The following CSMD3 variants were observed in gnomAD, a reference collection of about 807,000 sequenced individuals.
The protein encoded by CSMD3 is CUB and sushi domain-containing protein 3.
CSMD3 carries 177 observed loss-of-function variants against 435.2 expected under a neutral mutation model. That is an observed-to-expected ratio of 0.41 (90% CI 0.36 to 0.46). The LOEUF is 0.46. Ranked by LOEUF, CSMD3 falls within the 20% of genes least tolerant of loss-of-function variation. The pLI is 0.34. For synonymous variants in CSMD3, 1,656 were observed against 1,520.5 expected (o/e 1.09, Z -2.07); for missense variants, 4,265 against 4,504.6 (o/e 0.95, Z 1.52).
chr8:113,325,788 C>T (rs1588520300), intron 1 of CSMD3, among the ~76,000 whole-genome samples: 1 of 152,258 alleles, frequency 6.6e-6, no homozygotes, highest in Admixed American at 6.5e-5. Flanking sequence ...CAGAAAGTTT[C>T]CTAAGTGAAT....
chr8:112,850,074 A>G (rs2129706061), intron 11 of CSMD3, among the ~76,000 whole-genome samples: 1 of 152,256 alleles, frequency 6.6e-6, no homozygotes, highest in South Asian at 2.1e-4. Flanking sequence ...TTGCATGCAA[A>G]GGCTTTAGAA....
At chr8:112,419,434 T>TA (rs1283086122) in intron 32 of CSMD3, among the ~76,000 whole-genome samples, 20 of 152,204 alleles carry the variant, frequency 1.3e-4, no homozygotes, top group Non-Finnish European at 2.5e-4. Context: ...AATATGTTAT[T>TA]AAAAAATTCA....
intron 5 of CSMD3, among the ~76,000 whole-genome samples, chr8:113,058,985 A>G (rs2088479125): frequency 6.6e-6 from 1 of 152,126 alleles, no homozygotes. Context: ...TAGCATGGCA[A>G]AAGGTAAGTG....
intron 52 of CSMD3, 121 bp from the exon 53 acceptor site, chr8:112,302,087 A>G (rs1169154308): frequency 1.4e-6 from 1 of 727,378 alleles, no homozygotes; most frequent in Non-Finnish European, 2.4e-6. Context: ...GGAAATTGGC[A>G]TTTGTAAAAC....
chr8:112,325,369 A>C (rs1193928470), intron 45 of CSMD3, among the ~76,000 whole-genome samples: 3 of 152,132 alleles, frequency 2.0e-5, no homozygotes, highest in African/African-American at 7.2e-5. Context: ...CATGACCAAA[A>C]CAGAGATGTC....
intron 13 of CSMD3, among the ~76,000 whole-genome samples, chr8:112,742,195 G>A (rs1039216023): frequency 1.3e-5 from 2 of 151,890 alleles, no homozygotes; most frequent in African/African-American, 4.8e-5. Context: ...TGGACTGCTA[G>A]TAATTTTTAT....
intron 1 of CSMD3, among the ~76,000 whole-genome samples, chr8:113,394,131 C>CA (rs2094472853): frequency 6.8e-6 from 1 of 146,624 alleles, no homozygotes; most frequent in Non-Finnish European, 1.5e-5. Flanking sequence ...TAACTGGGTA[C>CA]TAAAAAAACT....
intron 6 of CSMD3, among the ~76,000 whole-genome samples, chr8:112,980,900 T>C (rs2085027270): frequency 6.6e-6 from 1 of 151,490 alleles, no homozygotes; most frequent in Admixed American, 6.6e-5. Context: ...ACTATGAATA[T>C]GCAATTTAGA....
intron 19 of CSMD3, among the ~76,000 whole-genome samples, chr8:112,649,308 G>A (rs2075061942): frequency 6.6e-6 from 1 of 152,094 alleles, no homozygotes; most frequent in Non-Finnish European, 1.5e-5. Context: ...ACAAATTAAA[G>A]GAAGATGTTT....
intron 3 of CSMD3, among the ~76,000 whole-genome samples, chr8:113,272,701 C>A (rs1243007362): frequency 6.6e-6 from 1 of 152,164 alleles, no homozygotes; most frequent in Non-Finnish European, 1.5e-5. Context: ...TGGACTAATA[C>A]AGAACCTATT....
At chr8:112,435,102 C>A (rs1814175842) in intron 32 of CSMD3, among the ~76,000 whole-genome samples, 2 of 152,088 alleles carry the variant, frequency 1.3e-5, no homozygotes, top group South Asian at 4.2e-4. Context: ...GGAAAAGAAA[C>A]CACAGACACT....
Position 112,352,412 on chromosome 8 carries a change from T to C in CSMD3, c.6255+4A>G. On this transcript the variant is annotated splice_donor_region_variant and intron_variant, in intron 39 of 70. Coordinates refer to ENST00000297405, the MANE Select transcript of CSMD3 (RefSeq NM_198123.2). ...TCAAAACCACAACTTTAAAATAGAC[T>C]TACCTGAAGAGAATATCCTTGATCA... is the stretch of plus-strand genomic sequence containing the variant. The C allele has an allele frequency of 6.2e-7, 1 of 1,613,234 alleles. No homozygotes were observed. Among genetic ancestry groups the C allele is most frequent in the Non-Finnish European group, 8.5e-7 (1 of 1,179,572 alleles).
At chr8:112,639,607 A>G (rs754847528) in intron 20 of CSMD3, among the ~76,000 whole-genome samples, 31 of 152,134 alleles carry the variant, frequency 2.0e-4, no homozygotes, top group Non-Finnish European at 2.1e-4. Flanking sequence ...GTAACCACTC[A>G]CTTAACTTCT....
At chr8:113,330,255 T>A (rs1173501835) in intron 1 of CSMD3, among the ~76,000 whole-genome samples, 1 of 152,000 alleles carries the variant, frequency 6.6e-6, no homozygotes, top group African/African-American at 2.4e-5. Context: ...TGAACTAGAA[T>A]GTTGAAGTAA....
intron 5 of CSMD3, among the ~76,000 whole-genome samples, chr8:113,020,846 T>C (rs999057113): frequency 1.3e-5 from 2 of 152,152 alleles, no homozygotes; most frequent in African/African-American, 4.8e-5. Flanking sequence ...TCTGTCATTG[T>C]ATATGTAATC....
intron 35 of CSMD3, among the ~76,000 whole-genome samples, chr8:112,401,086 G>A (rs889655993): frequency 4.6e-5 from 7 of 152,092 alleles, no homozygotes; most frequent in African/African-American, 7.2e-5. Context: ...GTGCATGCCT[G>A]TAATCCTAGC....
intron 3 of CSMD3, among the ~76,000 whole-genome samples, chr8:113,260,903 C>T (rs1183917594): frequency 1.3e-5 from 2 of 152,154 alleles, no homozygotes; most frequent in African/African-American, 4.8e-5. Flanking sequence ...AGGACCTGAA[C>T]TCATTCTTTT....
At chr8:113,172,545 C>A (rs1467526455) in intron 4 of CSMD3, among the ~76,000 whole-genome samples, 4 of 152,116 alleles carry the variant, frequency 2.6e-5, no homozygotes, top group South Asian at 2.1e-4. Flanking sequence ...TTATTTAATC[C>A]TCACAAGAAA....
At chr8:113,183,741 A>G (rs940605986) in intron 3 of CSMD3, among the ~76,000 whole-genome samples, 4 of 151,980 alleles carry the variant, frequency 2.6e-5, no homozygotes, top group Non-Finnish European at 4.4e-5. Context: ...TTTTGGGGGT[A>G]CATGTGATAT....
Sources: gnomAD v4.1 joint callset for allele counts (sites outside exome capture counted in the v4.1 genomes callset) on GRCh38, gnomAD v4.1.1 for gene constraint, MANE v1.5 for transcripts, NCBI Gene and HGNC (gene_info 2026-07-23, HGNC 2026-07-21) for gene names.